The following SEMA6D variants were observed in gnomAD, a reference collection of about 807,000 sequenced individuals.
SEMA6D encodes semaphorin-6D.
Under a neutral mutation model 106.6 loss-of-function variants are expected in SEMA6D, and 35 were observed. The ratio of observed to expected loss-of-function variants is 0.33; its 90% CI spans 0.25 to 0.44. The LOEUF is 0.44. Ranked by LOEUF, SEMA6D falls within the 20% of genes least tolerant of loss-of-function variation. SEMA6D has a pLI of 1.00. For missense variants in SEMA6D, 1,185 were observed against 1,345.9 expected (o/e 0.88, Z 1.87); for synonymous variants, 499 against 487.7 (o/e 1.02, Z -0.31).
At chr15:47,479,890 A>G (rs1241284644) in intron 3 of SEMA6D, among the ~76,000 whole-genome samples, 1 of 136,404 alleles carries the variant, frequency 7.3e-6, no homozygotes, top group Non-Finnish European at 1.5e-5. Flanking sequence ...TTTTTCTGAG[A>G]CAGAGTCTCA....
chr15:47,579,926 G>A (rs1030243329), intron 3 of SEMA6D, among the ~76,000 whole-genome samples: 5 of 152,228 alleles, frequency 3.3e-5, no homozygotes, highest in South Asian at 2.1e-4. Context: ...ACACATTTTC[G>A]TAGGTTCAGA....
chr15:47,451,586 G>A (rs981151701), intron 2 of SEMA6D, among the ~76,000 whole-genome samples: 12 of 152,036 alleles, frequency 7.9e-5, no homozygotes, highest in African/African-American at 2.2e-4. Context: ...AGGAGAGCAG[G>A]TGGCTGTCCC....
chr15:47,417,604 G>T (rs949028103), intron 2 of SEMA6D, among the ~76,000 whole-genome samples: 1 of 152,008 alleles, frequency 6.6e-6, no homozygotes. Flanking sequence ...TTCAGGATTT[G>T]TATTAATTCT....
chr15:47,763,065 CT>C lies in SEMA6D; in HGVS notation c.711del (p.Arg238GlufsTer10), dbSNP rs768015372. On this transcript the variant is annotated frameshift_variant, in exon 9 of 19. Transcript: ENST00000536845. LOFTEE classifies it high-confidence loss of function. ...AATATGGAAACTATGTCTATTTCTT[CT>C]TTCGAGAAATCGCTGTCGAACATAA... The part of the protein sequence containing the change: ...IEYGNYVYFF[F>X]REIAVEHNNL... 6.2e-7 allele frequency: 1 copy of C among 1,612,312 alleles called. No homozygotes were observed. Among genetic ancestry groups the C allele is most frequent in the South Asian group, 1.1e-5 (1 of 90,794 alleles).
At chr15:47,454,703 C>T (rs563854858) in intron 2 of SEMA6D, among the ~76,000 whole-genome samples, 1 of 151,788 alleles carries the variant, frequency 6.6e-6, no homozygotes, top group Non-Finnish European at 1.5e-5. Flanking sequence ...CCTCAGCAAC[C>T]TAATATGCCA....
At chr15:47,503,689 T>TCTCACACACA (rs1555449866) in intron 3 of SEMA6D, among the ~76,000 whole-genome samples, 22 of 148,594 alleles carry the variant, frequency 1.5e-4, no homozygotes, top group Non-Finnish European at 2.8e-4. Context: ...TCTCTCTCTG[T>TCTCACACACA]CACACACACA....
At chr15:47,429,092 G>C (rs281234) in intron 2 of SEMA6D, among the ~76,000 whole-genome samples, 4,789 of 152,062 alleles carry the variant, frequency 0.031, 297 homozygotes, top group African/African-American at 0.11. Context: ...ACCACAGCAA[G>C]TACTAGTGAG....
intron 3 of SEMA6D, among the ~76,000 whole-genome samples, chr15:47,535,964 A>G (rs563059297): frequency 1.3e-5 from 2 of 152,186 alleles, no homozygotes; most frequent in Non-Finnish European, 2.9e-5. Context: ...GGAGTGGGCA[A>G]GAAGGCAGGA....
chr15:47,661,374 G>A (rs2077915055), intron 4 of SEMA6D, among the ~76,000 whole-genome samples: 1 of 152,204 alleles, frequency 6.6e-6, no homozygotes, highest in African/African-American at 2.4e-5. Flanking sequence ...TCAGAGTTAA[G>A]ATTTCTGAAA....
chr15:47,535,167 C>T (rs890195163), intron 3 of SEMA6D, among the ~76,000 whole-genome samples: 1 of 151,680 alleles, frequency 6.6e-6, no homozygotes, highest in African/African-American at 2.4e-5. Context: ...AGAAAATTAG[C>T]AACAGAGTCT....
intron 1 of SEMA6D, among the ~76,000 whole-genome samples, chr15:47,354,043 C>A (rs1333788673): frequency 6.6e-6 from 1 of 151,558 alleles, no homozygotes; most frequent in Non-Finnish European, 1.5e-5. Flanking sequence ...CTTATAAGCT[C>A]TCTCATTCTC....
chr15:47,357,688 A>G (rs2038640372), intron 1 of SEMA6D, among the ~76,000 whole-genome samples: 1 of 152,098 alleles, frequency 6.6e-6, no homozygotes, highest in African/African-American at 2.4e-5. Context: ...GCCCACCCAC[A>G]TTAAGGGTGG....
chr15:47,734,654 G>A (rs146602085), intron 1 of SEMA6D, among the ~76,000 whole-genome samples: 51 of 152,266 alleles, frequency 3.3e-4, no homozygotes, highest in African/African-American at 1.1e-3. Context: ...TTTCTCAGCT[G>A]TAAACTAAGG....
At chr15:47,439,368 T>A (rs559832109) in intron 2 of SEMA6D, among the ~76,000 whole-genome samples, 3 of 152,270 alleles carry the variant, frequency 2.0e-5, no homozygotes, top group African/African-American at 7.2e-5. Context: ...ATCAGGCCCT[T>A]AGAAGTCTTT....
chr15:47,755,264 A>C (rs531720738), intron 1 of SEMA6D, among the ~76,000 whole-genome samples: 94 of 152,106 alleles, frequency 6.2e-4, no homozygotes, highest in African/African-American at 2.1e-3. Context: ...ATTTTTATTA[A>C]ATTCTTTTTT....
chr15:47,610,669 T>G (rs971095735), intron 4 of SEMA6D, among the ~76,000 whole-genome samples: 2 of 152,218 alleles, frequency 1.3e-5, no homozygotes, highest in Non-Finnish European at 2.9e-5. Flanking sequence ...AATAATTTAG[T>G]CTTGGTACCA....
At chr15:47,319,210 G>A (rs1482943616) in intron 1 of SEMA6D, among the ~76,000 whole-genome samples, 2 of 152,092 alleles carry the variant, frequency 1.3e-5, no homozygotes, top group African/African-American at 4.8e-5. Flanking sequence ...GTTCTTGAAT[G>A]TTGTCTACTT....
At chr15:47,764,611 C>T in intron 11 of SEMA6D, 27 bp from the exon 12 acceptor site, 1 of 1,612,198 alleles carries the variant, frequency 6.2e-7, no homozygotes, top group Non-Finnish European at 8.5e-7. Context: ...CAGCCGAGAG[C>T]ATAAAATAAC....
chr15:47,402,799 A>G (rs908935551), intron 1 of SEMA6D, among the ~76,000 whole-genome samples: 5 of 141,300 alleles, frequency 3.5e-5, no homozygotes, highest in Non-Finnish European at 7.5e-5. Flanking sequence ...AGGACTTACC[A>G]TAGCATTTGA....
Sources: gnomAD v4.1 joint callset for allele counts (sites outside exome capture counted in the v4.1 genomes callset) on GRCh38, gnomAD v4.1.1 for gene constraint, MANE v1.5 for transcripts, NCBI Gene and HGNC (gene_info 2026-07-23, HGNC 2026-07-21) for gene names.